NT5C2: variants seen among roughly 807,000 people sequenced by gnomAD.
NT5C2 encodes the protein 5'-nucleotidase, cytosolic II.
A neutral mutation model predicts 76.1 loss-of-function variants in NT5C2; 58 were observed. The ratio of observed to expected loss-of-function variants is 0.76; its 90% CI spans 0.62 to 0.95. The LOEUF (loss-of-function observed/expected upper bound fraction) is 0.95. NT5C2 is among the 40% of genes least tolerant of loss of function. The pLI, the probability that NT5C2 is intolerant of heterozygous loss-of-function variation, is 0.00. For missense variants in NT5C2, 478 were observed against 690.3 expected (o/e 0.69, Z 3.45); for synonymous variants, 229 against 237.4 (o/e 0.96, Z 0.32).
Position 103,153,648 on chromosome 10 carries a change from G to A in NT5C2, c.102-14169C>T, listed in dbSNP as rs796209212. 2.2e-5 allele frequency: 22 copies of A among 985,318 alleles called. No individual in the cohort carries two copies. In the African/African-American group the frequency reaches 3.7e-4, roughly 16 times the overall value. The allele number at this position is 985,318 out of a possible 1,614,324, so 61.0% of individuals were successfully genotyped here. ...ATCGTTACTGGCAAACACAGAAAAAGCAAATTTACCCCCTAATGAGGCCCT... is the reference window on the plus strand; with the variant it reads ...ATCGTTACTGGCAAACACAGAAAAAACAAATTTACCCCCTAATGAGGCCCT... On this transcript the variant is annotated intron_variant, in intron 3 of 18. Coordinates refer to ENST00000404739, the MANE Select transcript of NT5C2 (RefSeq NM_001351169.2).
At chr10:103,142,953 C>T (rs2080771786) in intron 3 of NT5C2, among the ~76,000 whole-genome samples, 1 of 145,036 alleles carries the variant, frequency 6.9e-6, no homozygotes, top group Non-Finnish European at 1.5e-5. Flanking sequence ...CACACCACTG[C>T]ACTCCAGCCT....
At chr10:103,189,432 C>CCCAT (rs1432377600) in intron 1 of NT5C2, among the ~76,000 whole-genome samples, 8 of 151,504 alleles carry the variant, frequency 5.3e-5, no homozygotes, top group Admixed American at 5.3e-4. Context: ...ATGGTGAAAC[C>CCCAT]CCATCTCTAC....
At chr10:103,190,626 C>T (rs541173237) in intron 1 of NT5C2, among the ~76,000 whole-genome samples, 1 of 152,266 alleles carries the variant, frequency 6.6e-6, no homozygotes, top group Admixed American at 6.5e-5. Context: ...TAACTGAGTT[C>T]CCCGAGGTTG....
At chr10:103,092,866 GTGTTAC>G (rs1488549228) in intron 15 of NT5C2, among the ~76,000 whole-genome samples, 1 of 151,648 alleles carries the variant, frequency 6.6e-6, no homozygotes, top group Non-Finnish European at 1.5e-5. Context: ...TCACAACTTA[GTGTTAC>G]TGTAACACAA....
In NT5C2 at chr10:103,094,230, A is replaced by G; in HGVS notation, c.921+118T>C. ...TAAGACCAAAACTCTTAATTTCAAA[A>G]GAGAGATACGGCTAATTAAAAAAAA... is the stretch of plus-strand genomic sequence containing the variant. On this transcript the variant is annotated intron_variant, in intron 13 of 18. Transcript: ENST00000404739. 7 of 760,758 alleles carry G rather than the reference A, an allele frequency of 9.2e-6. No individual in the cohort carries two copies. In the South Asian group the frequency reaches 1.2e-4, roughly 13 times the overall value. 47.1% of individuals were successfully genotyped at this position (760,758 alleles called of 1,614,324 possible).
At chr10:103,162,394 A>G (rs908037291) in intron 3 of NT5C2, among the ~76,000 whole-genome samples, 1 of 152,192 alleles carries the variant, frequency 6.6e-6, no homozygotes, top group Non-Finnish European at 1.5e-5. Flanking sequence ...CAATTGGCAA[A>G]CAACTTGAAA....
intron 4 of NT5C2, among the ~76,000 whole-genome samples, chr10:103,120,920 A>G (rs2075527554): frequency 1.3e-5 from 2 of 152,270 alleles, no homozygotes; most frequent in African/African-American, 2.4e-5. Flanking sequence ...AGATGAACAG[A>G]TAAACAAATG....
chr10:103,115,428 T>C (rs2074106951), intron 4 of NT5C2, among the ~76,000 whole-genome samples: 1 of 152,084 alleles, frequency 6.6e-6, no homozygotes, highest in South Asian at 2.1e-4. Context: ...GAAAATAGCC[T>C]GGATGCTGGG....
At chr10:103,111,657 T>C in intron 4 of NT5C2, 1 of 842,300 alleles carries the variant, frequency 1.2e-6, no homozygotes, top group South Asian at 6.1e-5. Context: ...ACACACTATG[T>C]AGTAATTTAT....
At chr10:103,118,595 C>A (rs2074949424) in intron 4 of NT5C2, among the ~76,000 whole-genome samples, 1 of 152,090 alleles carries the variant, frequency 6.6e-6, no homozygotes, top group African/African-American at 2.4e-5. Context: ...TGCAAGCAAT[C>A]CATCTGCCTC....
At chr10:103,108,387 T>C (rs914758779) in intron 4 of NT5C2, among the ~76,000 whole-genome samples, 2 of 152,212 alleles carry the variant, frequency 1.3e-5, no homozygotes, top group African/African-American at 2.4e-5. Flanking sequence ...TTCCATCTAC[T>C]ATTAACATCT....
intron 6 of NT5C2, among the ~76,000 whole-genome samples, chr10:103,102,531 CTT>C (rs775499358): frequency 5.6e-5 from 8 of 143,852 alleles, no homozygotes; most frequent in Admixed American, 7.0e-5. Flanking sequence ...TTTCTTTTTT[CTT>C]TTTTTTTTTT....
rs551704206 is a variant in NT5C2 at position 103,089,335 on chromosome 10, T to G, written c.*337A>C. ...CCCACTCTTTGTTCCACTCTGAGAC[T>G]CTTTCCTTTTCCTCGTGTATCCAGA... On this transcript the variant is annotated 3_prime_UTR_variant, in exon 19 of 19. Transcript: ENST00000404739. The G allele has an allele frequency of 5.9e-5, 15 of 254,806 alleles. No homozygotes were observed. Among genetic ancestry groups the G allele is most frequent in the Non-Finnish European group, 9.0e-5 (12 of 133,026 alleles). The allele number at this position is 254,806 out of a possible 1,614,324, so 15.8% of individuals were successfully genotyped here.
intron 1 of NT5C2, among the ~76,000 whole-genome samples, chr10:103,187,380 C>T (rs1377656269): frequency 6.6e-6 from 1 of 151,728 alleles, no homozygotes; most frequent in Non-Finnish European, 1.5e-5. Context: ...TCCATCTCTA[C>T]TAAAAATAAA....
chr10:103,128,301 G>C (rs368090289), intron 4 of NT5C2, among the ~76,000 whole-genome samples: 1 of 150,230 alleles, frequency 6.7e-6, no homozygotes, highest in African/African-American at 2.4e-5. Context: ...CCCTAACCGC[G>C]AGTGATCCCG....
At chr10:103,106,053 T>C (rs1395548145) in intron 5 of NT5C2, among the ~76,000 whole-genome samples, 2 of 152,222 alleles carry the variant, frequency 1.3e-5, no homozygotes, top group Non-Finnish European at 2.9e-5. Context: ...AAACAAGGTA[T>C]AAAAAACATT....
chr10:103,113,665 C>T (rs2073621975), intron 4 of NT5C2, among the ~76,000 whole-genome samples: 1 of 151,818 alleles, frequency 6.6e-6, no homozygotes, highest in Admixed American at 6.6e-5. Flanking sequence ...TAGCTCATGG[C>T]ATATTAGAGG....
At chr10:103,179,800 G>C (rs546613479) in intron 2 of NT5C2, among the ~76,000 whole-genome samples, 119 of 152,314 alleles carry the variant, frequency 7.8e-4, no homozygotes, top group African/African-American at 2.8e-3. Flanking sequence ...ATATGCATAT[G>C]CAAAAGATTT....
At chr10:103,136,139 T>C (rs1211022183) in intron 4 of NT5C2, among the ~76,000 whole-genome samples, 1 of 152,168 alleles carries the variant, frequency 6.6e-6, no homozygotes, top group Non-Finnish European at 1.5e-5. Flanking sequence ...GGTATGTCTA[T>C]CAGCAGCATG....
Sources: gnomAD v4.1 joint callset for allele counts (sites outside exome capture counted in the v4.1 genomes callset) on GRCh38, gnomAD v4.1.1 for gene constraint, MANE v1.5 for transcripts, NCBI Gene and HGNC (gene_info 2026-07-23, HGNC 2026-07-21) for gene names.